The following PRMT8 variants were observed in gnomAD, a reference collection of about 807,000 sequenced individuals.
PRMT8 encodes the protein protein arginine methyltransferase 8.
In PRMT8, 7 loss-of-function variants were observed where a neutral mutation model predicts 47.1. The ratio of observed to expected loss-of-function variants is 0.15; its 90% CI spans 0.08 to 0.28. The LOEUF (loss-of-function observed/expected upper bound fraction) is 0.28. Among genes scored for constraint, PRMT8 ranks in the 10% least tolerant of loss-of-function variants. PRMT8 has a pLI of 1.00. For missense variants in PRMT8, 237 were observed against 505.4 expected (o/e 0.47, Z 5.09); for synonymous variants, 188 against 186.5 (o/e 1.01, Z -0.07).
chr12:3,439,379 CTG>C (rs1234424476), intron 1 of PRMT8, among the ~76,000 whole-genome samples: 1 of 152,104 alleles, frequency 6.6e-6, no homozygotes, highest in Admixed American at 6.6e-5. Context: ...ACAGAATGGG[CTG>C]TCAGTCATGT....
intron 6 of PRMT8, among the ~76,000 whole-genome samples, chr12:3,571,203 GCCC>G (rs1866838795): frequency 6.6e-6 from 1 of 152,222 alleles, no homozygotes; most frequent in Non-Finnish European, 1.5e-5. Context: ...TGACTGCCAA[GCCC>G]CTGGTGGCTC....
chr12:3,531,477 C>A (rs1866029465), intron 1 of PRMT8, among the ~76,000 whole-genome samples: 1 of 152,196 alleles, frequency 6.6e-6, no homozygotes, highest in Non-Finnish European at 1.5e-5. Context: ...TGGAAAACAG[C>A]CCCAGTTTAT....
chr12:3,546,426 T>C (rs1048538342), intron 2 of PRMT8, among the ~76,000 whole-genome samples: 1 of 152,092 alleles, frequency 6.6e-6, no homozygotes, highest in African/African-American at 2.4e-5. Context: ...ATTAAATTGA[T>C]AATATCTAGT....
At chr12:3,512,016 T>TG (rs1865721459) in intron 1 of PRMT8, among the ~76,000 whole-genome samples, 2 of 152,022 alleles carry the variant, frequency 1.3e-5, no homozygotes, top group African/African-American at 2.4e-5. Flanking sequence ...CTTGGGAGTG[T>TG]GGGGGGCAGT....
At chr12:3,469,126 C>G in intron 1 of PRMT8, 1 of 491,676 alleles carries the variant, frequency 2.0e-6, no homozygotes, top group Non-Finnish European at 4.0e-6. Context: ...CCAGAGTCTT[C>G]CATGCCTATG....
chr12:3,527,424 C>T (rs2137148954), intron 1 of PRMT8, among the ~76,000 whole-genome samples: 1 of 152,220 alleles, frequency 6.6e-6, no homozygotes, highest in Non-Finnish European at 1.5e-5. Flanking sequence ...AAGATTTCAT[C>T]TTACTACTCA....
intron 1 of PRMT8, among the ~76,000 whole-genome samples, chr12:3,499,189 C>T (rs1324869137): frequency 6.7e-5 from 9 of 133,624 alleles, no homozygotes; most frequent in African/African-American, 9.6e-5. Flanking sequence ...TTTTTTTTTC[C>T]TTTCTTTTTT....
chr12:3,466,933 T>G (rs1311399914), intron 1 of PRMT8, among the ~76,000 whole-genome samples: 1 of 152,136 alleles, frequency 6.6e-6, no homozygotes, highest in Non-Finnish European at 1.5e-5. Flanking sequence ...TCAAATGGTC[T>G]CTTAAGAAAT....
intron 1 of PRMT8, among the ~76,000 whole-genome samples, chr12:3,403,181 G>A (rs1864335644): frequency 6.6e-6 from 1 of 152,160 alleles, no homozygotes; most frequent in Non-Finnish European, 1.5e-5. Flanking sequence ...CATGGATGGA[G>A]GTGGAAGCCA....
In PRMT8 at chr12:3,483,164, G is replaced by A. The variant is rs1418602918; in HGVS notation, c.49-57442G>A. On this transcript the variant is annotated intron_variant, in intron 1 of 9. Coordinates refer to the PRMT8 transcript ENST00000452611. ...GTGGGGATTGGTGGGTGTGCTCCACGGGAAGCACACAGCACAGCACCCGGT... is the reference window on the plus strand; with the variant it reads ...GTGGGGATTGGTGGGTGTGCTCCACAGGAAGCACACAGCACAGCACCCGGT... Among the ~76,000 whole-genome samples, 3 of 152,162 alleles carry A rather than the reference G, an allele frequency of 2.0e-5. No homozygotes were observed. The East Asian group carries it at 5.8e-4, about 29-fold the overall frequency.
At chr12:3,479,206 G>A (rs1264013436) in intron 1 of PRMT8, among the ~76,000 whole-genome samples, 2 of 152,260 alleles carry the variant, frequency 1.3e-5, no homozygotes, top group Non-Finnish European at 2.9e-5. Context: ...AGAAAACCAA[G>A]TGGGACTAAT....
intron 1 of PRMT8, among the ~76,000 whole-genome samples, chr12:3,525,396 A>G (rs1865938057): frequency 6.6e-6 from 1 of 152,090 alleles, no homozygotes; most frequent in African/African-American, 2.4e-5. Context: ...AGGATACAGG[A>G]GTTTGAGGAT....
At chr12:3,581,323 A>G (rs1054223014) in intron 7 of PRMT8, among the ~76,000 whole-genome samples, 2 of 152,194 alleles carry the variant, frequency 1.3e-5, no homozygotes, top group East Asian at 1.9e-4. Flanking sequence ...TGGAACACAC[A>G]TTTGGCTTCT....
rs374654733 is a variant in PRMT8, at chr12:3,593,239, G to A, written c.*57G>A. On this transcript the variant is annotated 3_prime_UTR_variant, in exon 10 of 10. Transcript: ENST00000382622. This position sits in a 1 kb window ranked among gnomAD's most constrained non-coding sequence, Gnocchi z 4.8. ...AAAGGAACTCTCACCTCGATCTGCC[G>A]TGCCGTCCCAAAGAATACCGTTTGC... 3.8e-5 allele frequency: 54 copies of A among 1,423,760 alleles called. No individual in the cohort carries two copies. The highest frequency in any genetic ancestry group is 1.1e-4 in the East Asian group (5 of 43,560). 88.2% of individuals were successfully genotyped at this position (1,423,760 alleles called of 1,614,324 possible). A position where few individuals can be genotyped will look rare whatever the true frequency, so the allele number is the denominator to read the frequency against.
chr12:3,407,818 C>T (rs554817019), intron 1 of PRMT8, among the ~76,000 whole-genome samples: 82 of 152,070 alleles, frequency 5.4e-4, no homozygotes, highest in Middle Eastern at 3.4e-3. Flanking sequence ...ATTCTCTTTT[C>T]TTTTTTTCCC....
chr12:3,446,425 T>G (rs898177172), intron 1 of PRMT8, among the ~76,000 whole-genome samples: 15 of 152,144 alleles, frequency 9.9e-5, no homozygotes, highest in African/African-American at 3.4e-4. Context: ...CCTGACTGCC[T>G]GCAGAATCTT....
At chr12:3,413,775 T>A (rs1161020996) in intron 1 of PRMT8, among the ~76,000 whole-genome samples, 6 of 151,902 alleles carry the variant, frequency 3.9e-5, no homozygotes, top group Non-Finnish European at 7.4e-5. Context: ...AAAAAACCAA[T>A]AAAAAATAAT....
intron 1 of PRMT8, among the ~76,000 whole-genome samples, chr12:3,465,628 C>G (rs1222302617): frequency 6.6e-6 from 1 of 152,086 alleles, no homozygotes; most frequent in Admixed American, 6.5e-5. Flanking sequence ...CATAGGGAGT[C>G]ATTGAGGCTT....
chr12:3,407,229 ACCTCCCACTGGGTC>A (rs2137054095), intron 1 of PRMT8, among the ~76,000 whole-genome samples: 1 of 152,148 alleles, frequency 6.6e-6, no homozygotes, highest in African/African-American at 2.4e-5. Context: ...TGATTTGATT[ACCTCCCACTGGGTC>A]CCTCCCACAA....
Sources: allele counts gnomAD v4.1 joint callset (sites outside exome capture counted in the v4.1 genomes callset), GRCh38; gene constraint gnomAD v4.1.1; non-coding constraint Gnocchi (gnomAD v3.1); transcripts MANE v1.5; gene names NCBI Gene and HGNC (gene_info 2026-07-23, HGNC 2026-07-21).